The following RBM15 variants were observed in gnomAD, a reference collection of about 807,000 sequenced individuals.
RBM15 encodes the protein RNA-binding protein 15.
Under a neutral mutation model 62.6 loss-of-function variants are expected in RBM15, and 8 were observed. The ratio of observed to expected loss-of-function variants is 0.13; its 90% CI spans 0.07 to 0.23. The LOEUF is 0.23. RBM15 is among the 10% of genes least tolerant of loss of function. RBM15 has a pLI of 1.00. For synonymous variants in RBM15, 606 were observed against 505.7 expected (o/e 1.20, Z -2.66); for missense variants, 1,144 against 1,286.5 (o/e 0.89, Z 1.69).
At position 110,340,986 on chromosome 1, in the gene RBM15, C is replaced by G; in HGVS notation, c.1581C>G (p.Ala527=). 6.2e-7 allele frequency: 1 copy of G among 1,614,156 alleles called. No individual in the cohort carries two copies. The highest frequency in any genetic ancestry group is 8.5e-7 in the Non-Finnish European group (1 of 1,180,004). Residue 527 remains alanine (A), a synonymous_variant, in exon 1 of 3, where the codon GCC becomes GCG. Coordinates refer to ENST00000369784, the MANE Select transcript of RBM15 (RefSeq NM_022768.5). The surrounding 1 kb of genome is among the most constrained non-coding windows in gnomAD (Gnocchi z 5.8). The part of the protein sequence containing the change: ...GPDRRLRVDF[A]DTEHRYQQQY... ...ATCGACGCCTTAGAGTAGACTTTGCCGACACCGAACATCGTTACCAGCAGC... is the reference window on the plus strand; with the variant it reads ...ATCGACGCCTTAGAGTAGACTTTGCGGACACCGAACATCGTTACCAGCAGC...
Position 110,341,471 on chromosome 1 carries a change from A to G in RBM15, c.2066A>G (p.Asp689Gly), listed in dbSNP as rs1425131778. The change falls in exon 1 of 3, where the codon GAT (aspartate) becomes GGT (glycine). Residue 689 changes from aspartate (D) to glycine (G), a missense_variant. This residue lies in a region of RBM15 where 360 missense variants were observed against 342.9 expected (regional missense o/e 1.05). Transcript: ENST00000369784. This position sits in a 1 kb window ranked among gnomAD's most constrained non-coding sequence, Gnocchi z 4.5. ...SSRDRYNSDNDRSSRLLLERP... is the reference protein window; with the variant it reads ...SSRDRYNSDNGRSSRLLLERP... ...CGGGATCGTTACAACAGCGACAATG[A>G]TCGATCTTCCCGTCTTCTCTTGGAA... 2.5e-6 allele frequency: 4 copies of G among 1,613,920 alleles called. No individual in the cohort carries two copies. Among genetic ancestry groups the G allele is most frequent in the Non-Finnish European group, 3.4e-6 (4 of 1,180,024 alleles).
chr1:110,339,562 G>C lies in RBM15; in HGVS notation c.157G>C (p.Val53Leu), dbSNP rs368721808. The change falls in exon 1 of 3, where the codon GTG (valine) becomes CTG (leucine). Residue 53 changes from valine to leucine, a missense_variant. By Grantham distance (32) the Val-to-Leu change is conservative. Transcript: ENST00000369784. ...ATMKGKERSP[V>L]KAKRSRGGED... ...AATGAAGGGAAAAGAGCGCTCGCCA[G>C]TGAAGGCCAAACGCTCCCGTGGTGG... The C allele has an allele frequency of 5.2e-5, 83 of 1,605,636 alleles. No individual in the cohort carries two copies. In the African/African-American group the frequency reaches 1.0e-3, roughly 20 times the overall value.
At chr1:110,345,006 T>C (rs1660871896) in intron 1 of RBM15, among the ~76,000 whole-genome samples, 1 of 152,208 alleles carries the variant, frequency 6.6e-6, no homozygotes, top group African/African-American at 2.4e-5. Flanking sequence ...TGCTTAACTT[T>C]TTGGTTAAGT....
Position 110,341,676 on chromosome 1 carries a change from C to A in RBM15, c.2271C>A (p.Ser757Arg). 1 of 1,614,180 alleles carries A rather than the reference C, an allele frequency of 6.2e-7. No individual in the cohort carries two copies. Among genetic ancestry groups the A allele is most frequent in the Non-Finnish European group, 8.5e-7 (1 of 1,180,046 alleles). The stretch of plus-strand genomic sequence containing the variant: ...CTGATGGGAGTGCACCTAGCACCAG[C>A]ACTGCTTCCTCCAAGCTGAAGTCCC... Reference protein sequence around the residue: ...DRSDGSAPSTSTASSKLKSPS... With the variant: ...DRSDGSAPSTRTASSKLKSPS... Residue 757 changes from serine to arginine, a missense_variant, in exon 1 of 3, where the codon AGC becomes AGA. Physicochemically the swap from Ser to Arg is moderately radical, Grantham distance 110. Coordinates refer to ENST00000369784, the MANE Select transcript of RBM15 (RefSeq NM_022768.5). This position sits in a 1 kb window ranked among gnomAD's most constrained non-coding sequence, Gnocchi z 4.5.
intron 1 of RBM15, among the ~76,000 whole-genome samples, chr1:110,343,799 A>G (rs1020231410): frequency 6.6e-6 from 1 of 152,130 alleles, no homozygotes; most frequent in African/African-American, 2.4e-5. Flanking sequence ...GCAGAACCCA[A>G]CTGTTTTCTT....
rs1660762282 is a variant in RBM15, at chr1:110,340,115, G to A, written c.710G>A (p.Arg237His). 5 of 1,613,840 alleles carry A rather than the reference G, an allele frequency of 3.1e-6. No individual in the cohort carries two copies. The highest frequency in any genetic ancestry group is 4.2e-6 in the Non-Finnish European group (5 of 1,179,948). The change falls in exon 1 of 3, where the codon CGC becomes CAC. Residue 237 changes from arginine to histidine, a missense_variant. By Grantham distance (29) the Arg-to-His change is conservative. This residue lies in a region of RBM15 where 188 missense variants were observed against 185.6 expected (regional missense o/e 1.01). Transcript: ENST00000369784. The surrounding 1 kb of genome is among the most constrained non-coding windows in gnomAD (Gnocchi z 5.8). ...CGGGCGGCCAAGCATGCCAGAGGCC[G>A]CCTGGTGCTCTATGACCGGCCTCTG... is the stretch of plus-strand genomic sequence containing the variant. ...DARAAKHARG[R>H]LVLYDRPLKI...
chr1:110,339,740 A>G lies in RBM15; in HGVS notation c.335A>G (p.Tyr112Cys). 1.2e-6 allele frequency: 2 copies of G among 1,612,830 alleles called. No individual in the cohort carries two copies. Among genetic ancestry groups the G allele is most frequent in the Non-Finnish European group, 1.7e-6 (2 of 1,179,718 alleles). Residue 112 changes from tyrosine to cysteine, a missense_variant, in exon 1 of 3, where the codon TAT becomes TGT. Coordinates refer to ENST00000369784, the MANE Select transcript of RBM15 (RefSeq NM_022768.5). ...AGCAGTCGAGGTGGCAGCCGCGAGT[A>G]TGATACCGGTGGGGGCAGCTCCAGT... ...KSSSRGGSREYDTGGGSSSSR... is the reference protein window; with the variant it reads ...KSSSRGGSRECDTGGGSSSSR...
At chr1:110,344,711 A>C (rs1195501654) in intron 1 of RBM15, among the ~76,000 whole-genome samples, 1 of 152,190 alleles carries the variant, frequency 6.6e-6, no homozygotes, top group Non-Finnish European at 1.5e-5. Flanking sequence ...TAAGAATTCA[A>C]ATGAAAGCAA....
intron 1 of RBM15, among the ~76,000 whole-genome samples, chr1:110,344,122 T>C (rs1259269962): frequency 6.6e-6 from 1 of 152,210 alleles, no homozygotes; most frequent in Non-Finnish European, 1.5e-5. Context: ...ATGAAGACTT[T>C]TGATGCTTCT....
At chr1:110,342,954 A>G (rs1313325950) in intron 1 of RBM15, among the ~76,000 whole-genome samples, 4 of 152,190 alleles carry the variant, frequency 2.6e-5, no homozygotes, top group East Asian at 1.9e-4. Flanking sequence ...ATTAAGGACT[A>G]TGTTACAAAC....
rs1181741494 is a variant in RBM15 at position 110,340,642 on chromosome 1, A to G, written c.1237A>G (p.Thr413Ala). The G allele has an allele frequency of 6.2e-7, 1 of 1,614,242 alleles. No individual in the cohort carries two copies. The part of the protein sequence containing the change: ...VDIKRPSRGQ[T>A]STYGFLKFEN... ...TATCAAGAGGCCTTCTCGCGGCCAG[A>G]CTAGTACTTACGGCTTTCTCAAATT... Residue 413 changes from threonine to alanine, a missense_variant, in exon 1 of 3, where the codon ACT becomes GCT. Coordinates refer to ENST00000369784, the MANE Select transcript of RBM15 (RefSeq NM_022768.5). This position sits in a 1 kb window ranked among gnomAD's most constrained non-coding sequence, Gnocchi z 5.8.
intron 1 of RBM15, among the ~76,000 whole-genome samples, chr1:110,344,901 T>C (rs1660870068): frequency 6.6e-6 from 1 of 152,224 alleles, no homozygotes; most frequent in Non-Finnish European, 1.5e-5. Flanking sequence ...TTAATGACTA[T>C]TAAGTATTAT....
In RBM15 at chr1:110,341,108, C is replaced by T. The variant is rs1660785189; in HGVS notation, c.1703C>T (p.Thr568Ile). The change falls in exon 1 of 3, where the codon ACA becomes ATA. Residue 568 changes from threonine (T) to isoleucine (I), a missense_variant. Transcript: ENST00000369784. The surrounding 1 kb of genome is among the most constrained non-coding windows in gnomAD (Gnocchi z 4.5). ...CCTTTGAGGGGTGCTCGGGATAGGA[C>T]ACCACCCTTACTATACAGAGATCGT... The part of the protein sequence containing the change: ...PDPLRGARDR[T>I]PPLLYRDRDR... 1 of 1,614,076 alleles carries T rather than the reference C, an allele frequency of 6.2e-7. No individual in the cohort carries two copies.
At position 110,340,692 on chromosome 1, in the gene RBM15, G is replaced by C; in HGVS notation, c.1287G>C (p.Arg429=). The change falls in exon 1 of 3, where the codon CGG becomes CGC. Residue 429 remains arginine (R), a synonymous_variant. Coordinates refer to ENST00000369784, the MANE Select transcript of RBM15 (RefSeq NM_022768.5). The surrounding 1 kb of genome is among the most constrained non-coding windows in gnomAD (Gnocchi z 5.8). Reference sequence around the variant, plus strand: ...TTGAGAACTTAGATATGTCTCACCGGGCCAAATTAGCAATGTCTGGCAAAA... The same window carrying C: ...TTGAGAACTTAGATATGTCTCACCGCGCCAAATTAGCAATGTCTGGCAAAA... ...LKFENLDMSH[R]AKLAMSGKII... 1 of 1,614,098 alleles carries C rather than the reference G, an allele frequency of 6.2e-7. No individual in the cohort carries two copies. The highest frequency in any genetic ancestry group is 8.5e-7 in the Non-Finnish European group (1 of 1,180,016).
intron 1 of RBM15, among the ~76,000 whole-genome samples, chr1:110,345,227 G>T (rs1660875154): frequency 3.9e-5 from 6 of 152,160 alleles, no homozygotes; most frequent in Admixed American, 3.9e-4. Context: ...TTTAGGTCCA[G>T]TAATAAGAGT....
chr1:110,346,447 C>A lies in RBM15; in HGVS notation c.*180C>A. ...ATCTGTTTAGTATTTGTGCATTTTACTAAAATGGCAGCTTAAAGTTGTGTA... is the reference window on the plus strand; with the variant it reads ...ATCTGTTTAGTATTTGTGCATTTTAATAAAATGGCAGCTTAAAGTTGTGTA... On this transcript the variant is annotated 3_prime_UTR_variant, in exon 3 of 3. Transcript: ENST00000369784. 8.0e-7 allele frequency: 1 copy of A among 1,252,080 alleles called. No individual in the cohort carries two copies. Among genetic ancestry groups the A allele is most frequent in the Non-Finnish European group, 1.1e-6 (1 of 878,812 alleles). The allele number at this position is 1,252,080 out of a possible 1,614,324, so 77.6% of individuals were successfully genotyped here. A position where few individuals can be genotyped will look rare whatever the true frequency, so the allele number is the denominator to read the frequency against.
Position 110,341,914 on chromosome 1 carries a change from T to C in RBM15, c.2509T>C (p.Leu837=), listed in dbSNP as rs765107744. The C allele has an allele frequency of 3.7e-6, 6 of 1,614,092 alleles. No individual in the cohort carries two copies. Among genetic ancestry groups the C allele is most frequent in the Non-Finnish European group, 3.4e-6 (4 of 1,180,042 alleles). The change falls in exon 1 of 3, where the codon TTG becomes CTG. Residue 837 remains leucine (L), a synonymous_variant. Coordinates refer to ENST00000369784, the MANE Select transcript of RBM15 (RefSeq NM_022768.5). The surrounding 1 kb of genome is among the most constrained non-coding windows in gnomAD (Gnocchi z 4.5). ...AQLKITQRLR[L]DQPKLDEVTR... is the part of the protein sequence containing the mutation. ...GCTCAAGATCACTCAGCGTCTCCGT[T>C]TGGACCAGCCCAAGTTGGATGAAGT...
Position 110,341,338 on chromosome 1 carries a change from C to T in RBM15, c.1933C>T (p.Pro645Ser). The T allele has an allele frequency of 6.2e-7, 1 of 1,614,108 alleles. No homozygotes were observed. The highest frequency in any genetic ancestry group is 8.5e-7 in the Non-Finnish European group (1 of 1,180,006). Residue 645 changes from proline (P) to serine (S), a missense_variant, in exon 1 of 3, where the codon CCT becomes TCT. This residue lies in a region of RBM15 where 360 missense variants were observed against 342.9 expected (regional missense o/e 1.05). Coordinates refer to ENST00000369784, the MANE Select transcript of RBM15 (RefSeq NM_022768.5). This position sits in a 1 kb window ranked among gnomAD's most constrained non-coding sequence, Gnocchi z 4.5. ...SRDQPRKRRLPEESGGRHLDR... is the reference protein window; with the variant it reads ...SRDQPRKRRLSEESGGRHLDR... ...AGACCAGCCTAGGAAGCGAAGGCTGCCTGAGGAGAGTGGAGGACGTCATCT... is the reference window on the plus strand; with the variant it reads ...AGACCAGCCTAGGAAGCGAAGGCTGTCTGAGGAGAGTGGAGGACGTCATCT...
At position 110,340,488 on chromosome 1, in the gene RBM15, G is replaced by C. The variant is rs1332566590; in HGVS notation, c.1083G>C (p.Val361=). 6.2e-7 allele frequency: 1 copy of C among 1,614,078 alleles called. No individual in the cohort carries two copies. The highest frequency in any genetic ancestry group is 8.5e-7 in the Non-Finnish European group (1 of 1,180,022). ...CAGGTGCTGCTCCTTTCAGAGAAGT[G>C]GATGAGATTTCACCCGAGGATGATC... ...AGAGAAPFRE[V]DEISPEDDQR... is the part of the protein sequence containing the mutation. The change falls in exon 1 of 3, where the codon GTG becomes GTC. Residue 361 remains valine, a synonymous_variant. Coordinates refer to ENST00000369784, the MANE Select transcript of RBM15 (RefSeq NM_022768.5). The surrounding 1 kb of genome is among the most constrained non-coding windows in gnomAD (Gnocchi z 5.8).
Sources: allele counts gnomAD v4.1 joint callset (sites outside exome capture counted in the v4.1 genomes callset), GRCh38; gene constraint gnomAD v4.1.1; regional missense constraint gnomAD v4.1.1; non-coding constraint Gnocchi (gnomAD v3.1); transcripts MANE v1.5; gene names NCBI Gene and HGNC (gene_info 2026-07-23, HGNC 2026-07-21).